The following DNAH7 variants were observed in gnomAD, a reference collection of about 807,000 sequenced individuals.
DNAH7 encodes dynein axonemal heavy chain 7.
DNAH7 carries 397 observed loss-of-function variants against 444.6 expected under a neutral mutation model. The ratio of observed to expected loss-of-function variants is 0.89; its 90% CI spans 0.82 to 0.97. DNAH7 has a LOEUF of 0.97. Among genes scored for constraint, DNAH7 ranks in the 50% least tolerant of loss-of-function variants. The pLI is 0.00. For missense variants in DNAH7, 4,902 were observed against 4,800.8 expected, an observed-to-expected ratio of 1.02 and a Z score of -0.62; for synonymous variants, 1,636 against 1,624.4, an observed-to-expected ratio of 1.01 and a Z score of -0.17.
Position 196,034,121 on chromosome 2 carries a change from T to C in DNAH7, c.399-6074A>G, listed in dbSNP as rs557609245. ...TTGGAAATGAAGAAATAAAATTGTT[T>C]TTACTTGCATACACATGATCGTATG... On this transcript the variant is annotated intron_variant, in intron 5 of 64. Coordinates refer to ENST00000312428, the MANE Select transcript of DNAH7 (RefSeq NM_018897.3). Among the ~76,000 whole-genome samples, 325 of 152,274 alleles carry C rather than the reference T, an allele frequency of 2.1e-3. 2 individuals carry two copies. Among genetic ancestry groups the C allele is most frequent in the Admixed American group, 3.8e-3 (58 of 15,294 alleles).
chr2:195,975,153 T>C (rs1692098685), intron 15 of DNAH7, among the ~76,000 whole-genome samples: 1 of 152,134 alleles, frequency 6.6e-6, no homozygotes, highest in Admixed American at 6.5e-5. Flanking sequence ...ATCAAGTGAA[T>C]GATCACAGTA....
intron 55 of DNAH7, among the ~76,000 whole-genome samples, chr2:195,797,359 T>A (rs1184533669): frequency 6.6e-6 from 1 of 152,006 alleles, no homozygotes; most frequent in Non-Finnish European, 1.5e-5. Flanking sequence ...AAGAGTGGGG[T>A]CTCAGCCCCT....
Position 195,987,124 on chromosome 2 carries a change from T to G in DNAH7, c.1696A>C (p.Ile566Leu), listed in dbSNP as rs780398513. Reference protein sequence around the residue: ...LIRALVKRADIICGKLLAKMF... With the variant: ...LIRALVKRADLICGKLLAKMF... The stretch of plus-strand genomic sequence containing the variant: ...TTAGCTAGAAGTTTCCCACAAATAA[T>G]ATCTGCTCGCTTCACCAAAGCTCTG... Residue 566 changes from isoleucine (I) to leucine (L), a missense_variant, in exon 14 of 65, where the codon ATT (isoleucine) becomes CTT (leucine). Physicochemically the swap from Ile to Leu is conservative, Grantham distance 5. Transcript: ENST00000312428. The G allele has an allele frequency of 1.2e-6, 2 of 1,609,176 alleles. No individual in the cohort carries two copies. The highest frequency in any genetic ancestry group is 4.5e-5 in the East Asian group (2 of 44,626).
At chr2:195,851,554 A>ACT (rs1699363956) in intron 46 of DNAH7, among the ~76,000 whole-genome samples, 1 of 152,180 alleles carries the variant, frequency 6.6e-6, no homozygotes, top group Non-Finnish European at 1.5e-5. Flanking sequence ...GGCACCCTTG[A>ACT]AGCATTTGTG....
At chr2:195,973,137 G>A (rs540324835) in intron 15 of DNAH7, among the ~76,000 whole-genome samples, 2 of 152,322 alleles carry the variant, frequency 1.3e-5, no homozygotes, top group African/African-American at 4.8e-5. Flanking sequence ...AAGGGGCTGA[G>A]GGGCCAGCAG....
At chr2:195,967,725 C>A (rs1273072509) in intron 17 of DNAH7, among the ~76,000 whole-genome samples, 1 of 152,190 alleles carries the variant, frequency 6.6e-6, no homozygotes, top group African/African-American at 2.4e-5. Context: ...TGTGTTGGAG[C>A]TCCATTGTGT....
chr2:196,055,378 T>TA (rs945377289), intron 2 of DNAH7, among the ~76,000 whole-genome samples: 2 of 151,772 alleles, frequency 1.3e-5, no homozygotes, highest in African/African-American at 4.8e-5. Flanking sequence ...AACCATGCCC[T>TA]AAAAAATGGA....
At chr2:195,805,873 G>T (rs1195315207) in intron 54 of DNAH7, among the ~76,000 whole-genome samples, 2 of 152,080 alleles carry the variant, frequency 1.3e-5, no homozygotes, top group East Asian at 1.9e-4. Flanking sequence ...AGGGAAAAAT[G>T]CCCCTAACCC....
chr2:195,976,742 G>GCAGA (rs1692212685), intron 15 of DNAH7, among the ~76,000 whole-genome samples: 2 of 22,220 alleles, frequency 9.0e-5, no homozygotes, highest in Non-Finnish European at 1.5e-4. Context: ...AGACAGAGAG[G>GCAGA]CAGACAGAGA....
At chr2:195,982,882 A>G (rs1446483571) in intron 15 of DNAH7, among the ~76,000 whole-genome samples, 1 of 152,170 alleles carries the variant, frequency 6.6e-6, no homozygotes, top group Non-Finnish European at 1.5e-5. Flanking sequence ...AAATATATTA[A>G]TATTTTGAAA....
chr2:195,929,886 CTA>C (rs1222923086), intron 21 of DNAH7, among the ~76,000 whole-genome samples: 1 of 152,188 alleles, frequency 6.6e-6, no homozygotes, highest in African/African-American at 2.4e-5. Context: ...ACTAATTACA[CTA>C]AAGAGCTTTG....
At chr2:195,989,280 G>A (rs530994470) in intron 12 of DNAH7, among the ~76,000 whole-genome samples, 1 of 152,158 alleles carries the variant, frequency 6.6e-6, no homozygotes, top group Admixed American at 6.5e-5. Flanking sequence ...TTCTATATTG[G>A]CTGCACTCAT....
At position 196,019,274 on chromosome 2, in the gene DNAH7, A is replaced by G; in HGVS notation, c.765T>C (p.Pro255=). ...HRAEMEILPK[P]WRKSFLAASS... ...TTGCAGCTAAAAAAGATTTCCTCCA[A>G]GGTTTTGGCAGAATTTCCATTCTGA... The change falls in exon 9 of 65, where the codon CCT becomes CCC. Residue 255 remains proline (P), a synonymous_variant. Transcript: ENST00000312428. 6.7e-7 allele frequency: 1 copy of G among 1,490,168 alleles called. No individual in the cohort carries two copies. The highest frequency in any genetic ancestry group is 1.9e-5 in the Admixed American group (1 of 52,998). The allele number at this position is 1,490,168 out of a possible 1,614,324, so 92.3% of individuals were successfully genotyped here. A position where few individuals can be genotyped will look rare whatever the true frequency, so the allele number is the denominator to read the frequency against.
At position 195,925,277 on chromosome 2, in the gene DNAH7, A is replaced by G. The variant is rs563367086; in HGVS notation, c.3612+1149T>C. The stretch of plus-strand genomic sequence containing the variant: ...TAAACTTCTGTCCCACCCATGTTCA[A>G]CCACAAGCAGGGAGATCCCAGGAGG... On this transcript the variant is annotated intron_variant, in intron 22 of 64. Transcript: ENST00000312428. 5.5e-4 allele frequency among the ~76,000 whole-genome samples: 84 copies of G among 152,144 alleles called. 1 individual carries two copies. The highest frequency in any genetic ancestry group is 1.1e-3 in the Non-Finnish European group (77 of 68,026).
intron 10 of DNAH7, among the ~76,000 whole-genome samples, chr2:196,011,110 G>A (rs557845089): frequency 1.3e-5 from 2 of 152,226 alleles, no homozygotes; most frequent in South Asian, 2.1e-4. Flanking sequence ...TGTGACTATA[G>A]TTAACAAGAA....
At chr2:195,990,722 C>T (rs1392660513) in intron 12 of DNAH7, among the ~76,000 whole-genome samples, 1 of 148,948 alleles carries the variant, frequency 6.7e-6, no homozygotes, top group Non-Finnish European at 1.5e-5. Context: ...TTCCATTGGT[C>T]TATGTGTTTG....
At position 196,019,101 on chromosome 2, in the gene DNAH7, A is replaced by G. The variant is rs567209788; in HGVS notation, c.869+69T>C. On this transcript the variant is annotated intron_variant, in intron 9 of 64. Transcript: ENST00000312428. ...CTTTGCAGTTAAAATAGTAAAAGAA[A>G]TAATTAAGATATAGTAAAACAACTT... 10 of 1,325,958 alleles carry G rather than the reference A, an allele frequency of 7.5e-6. No individual in the cohort carries two copies. The South Asian group carries it at 2.2e-4, about 29-fold the overall frequency. 82.1% of individuals were successfully genotyped at this position (1,325,958 alleles called of 1,614,324 possible).
Position 195,886,239 on chromosome 2 carries a change from G to C in DNAH7, c.5440C>G (p.Arg1814Gly). The C allele has an allele frequency of 6.2e-7, 1 of 1,612,788 alleles. No individual in the cohort carries two copies. Among genetic ancestry groups the C allele is most frequent in the Non-Finnish European group, 8.5e-7 (1 of 1,179,460 alleles). ...CAGTCTATTAGATTCATTAAGGACC[G>C]GACCAAGTTTGTATCGGAAGTAGGA... ...LSPTSDTNLV[R>G]SLMNLIDCFM... Residue 1814 changes from arginine to glycine, a missense_variant, in exon 34 of 65, where the codon CGG (arginine) becomes GGG (glycine). Coordinates refer to ENST00000312428, the MANE Select transcript of DNAH7 (RefSeq NM_018897.3).
intron 60 of DNAH7, among the ~76,000 whole-genome samples, chr2:195,775,474 A>G (rs1695017781): frequency 6.6e-6 from 1 of 152,162 alleles, no homozygotes; most frequent in Admixed American, 6.6e-5. Flanking sequence ...TTTTAGATGA[A>G]TTCTCTCATC....
Sources: allele counts gnomAD v4.1 joint callset (sites outside exome capture counted in the v4.1 genomes callset), GRCh38; gene constraint gnomAD v4.1.1; transcripts MANE v1.5; gene names NCBI Gene and HGNC (gene_info 2026-07-23, HGNC 2026-07-21).